The following C1QTNF3 variants were observed in gnomAD, a reference collection of about 807,000 sequenced individuals.
C1QTNF3 encodes complement C1q tumor necrosis factor-related protein 3.
C1QTNF3 carries 26 observed loss-of-function variants against 32.6 expected under a neutral mutation model. The observed-to-expected ratio is 0.80, with a 90% CI of 0.58 to 1.11. The LOEUF (loss-of-function observed/expected upper bound fraction) is 1.11. Ranked by LOEUF, C1QTNF3 falls within the 50% of genes least tolerant of loss-of-function variation. The probability of loss-of-function intolerance (pLI) is 0.00; values close to 1 mark genes in which losing one functional copy is unlikely to be tolerated. For missense variants in C1QTNF3, 362 were observed against 398.2 expected (o/e 0.91, Z 0.77); for synonymous variants, 155 against 146.0 (o/e 1.06, Z -0.44).
the C1QTNF3 span, among the ~76,000 whole-genome samples, chr5:34,059,435 T>C: frequency 6.6e-6 from 1 of 152,148 alleles, no homozygotes; most frequent in Non-Finnish European, 1.5e-5. Context: ...CAACAAGTAT[T>C]TATTTCTCAC....
the C1QTNF3 span, among the ~76,000 whole-genome samples, chr5:34,197,015 A>G: frequency 6.6e-6 from 1 of 152,310 alleles, no homozygotes; most frequent in Non-Finnish European, 1.5e-5. Context: ...TAATGTATTG[A>G]ACACTACAGC....
chr5:34,034,642 T>C (rs2112114426), intron 2 of C1QTNF3, among the ~76,000 whole-genome samples: 1 of 152,306 alleles, frequency 6.6e-6, no homozygotes, highest in Non-Finnish European at 1.5e-5. Context: ...AATTAATGTG[T>C]TCAGTGACAA....
At chr5:34,079,836 C>G in the C1QTNF3 span, among the ~76,000 whole-genome samples, 2 of 151,634 alleles carry the variant, frequency 1.3e-5, no homozygotes, top group African/African-American at 4.9e-5. Context: ...ATGAATAAGT[C>G]CTAGAGTTCT....
At chr5:34,164,191 C>T in the C1QTNF3 span, among the ~76,000 whole-genome samples, 2 of 152,056 alleles carry the variant, frequency 1.3e-5, no homozygotes, top group South Asian at 4.1e-4. Flanking sequence ...TACAGCAAAA[C>T]GGTGGACTCC....
chr5:34,096,730 C>T, the C1QTNF3 span, among the ~76,000 whole-genome samples: 2 of 151,404 alleles, frequency 1.3e-5, no homozygotes, highest in African/African-American at 4.9e-5. Flanking sequence ...GCAAGTTAGA[C>T]GTGATTATCA....
chr5:34,231,711 T>C, the C1QTNF3 span, among the ~76,000 whole-genome samples: 2 of 152,024 alleles, frequency 1.3e-5, no homozygotes, highest in Non-Finnish European at 2.9e-5. Flanking sequence ...GGAACCTCCA[T>C]CTAGATTTCA....
chr5:34,052,397 TTTA>T, the C1QTNF3 span, among the ~76,000 whole-genome samples: 2 of 152,240 alleles, frequency 1.3e-5, no homozygotes, highest in Non-Finnish European at 2.9e-5. Flanking sequence ...TAACGAGATC[TTTA>T]TTTTCTTACT....
the C1QTNF3 span, among the ~76,000 whole-genome samples, chr5:34,173,169 T>A: frequency 6.6e-6 from 1 of 152,154 alleles, no homozygotes; most frequent in Non-Finnish European, 1.5e-5. Context: ...TATACACTCT[T>A]ATGATAAAAA....
chr5:34,033,138 A>G, intron 3 of C1QTNF3, 166 bp downstream of exon 3: 3 of 667,496 alleles, frequency 4.5e-6, no homozygotes, highest in Admixed American at 3.4e-5. Context: ...CCTTTTGGAC[A>G]GTATGGGCCT....
At chr5:34,022,703 A>G (rs561249342) in intron 5 of C1QTNF3, among the ~76,000 whole-genome samples, 7 of 152,322 alleles carry the variant, frequency 4.6e-5, no homozygotes, top group African/African-American at 1.7e-4. Context: ...TTGGGTGGAA[A>G]ACAATGTGAC....
intron 5 of C1QTNF3, among the ~76,000 whole-genome samples, chr5:34,022,501 C>T (rs1400736059): frequency 6.6e-6 from 1 of 152,194 alleles, no homozygotes; most frequent in Non-Finnish European, 1.5e-5. Flanking sequence ...GGGCTTTGAG[C>T]TGGATGCATT....
chr5:34,079,639 G>A, the C1QTNF3 span, among the ~76,000 whole-genome samples: 1 of 151,586 alleles, frequency 6.6e-6, no homozygotes, highest in African/African-American at 2.4e-5. Flanking sequence ...GAGATAACAC[G>A]GATGAACTTG....
At chr5:34,043,496 G>A (rs1302661236), upstream of C1QTNF3, 2 of 208,778 alleles carry the variant, frequency 9.6e-6, no homozygotes, top group African/African-American at 2.3e-5. Context: ...GACATGGAAA[G>A]GCTGTGTATT....
chr5:34,030,410 G>A (rs913579904), intron 3 of C1QTNF3, among the ~76,000 whole-genome samples: 2 of 152,152 alleles, frequency 1.3e-5, no homozygotes, highest in Admixed American at 1.3e-4. Context: ...TGAGATTAAG[G>A]TCCACCTCTC....
At chr5:34,112,563 G>A in the C1QTNF3 span, among the ~76,000 whole-genome samples, 3 of 151,976 alleles carry the variant, frequency 2.0e-5, no homozygotes, top group East Asian at 5.8e-4. Flanking sequence ...TAGCTACTTG[G>A]GAAGCTGAGG....
rs978112303 is a variant in C1QTNF3 at position 34,020,392 on chromosome 5, A to G, written c.*191T>C. 1.3e-5 allele frequency: 8 copies of G among 635,824 alleles called. No individual in the cohort carries two copies. In the African/African-American group the frequency reaches 1.4e-4, roughly 11 times the overall value. The allele number at this position is 635,824 out of a possible 1,614,324, so 39.4% of individuals were successfully genotyped here. ...TTAGTCAAGGTCATCTGAGAAGACT[A>G]TTTTGTGGTTGATTCTTCTGAGCCC... On this transcript the variant is annotated 3_prime_UTR_variant, in exon 6 of 6. Transcript: ENST00000382065.
chr5:34,223,545 T>C, the C1QTNF3 span, among the ~76,000 whole-genome samples: 1 of 151,802 alleles, frequency 6.6e-6, no homozygotes, highest in Non-Finnish European at 1.5e-5. Flanking sequence ...AGTAATGGGA[T>C]GGCTGGGTCA....
At chr5:34,175,304 C>G in the C1QTNF3 span, 1 of 156,690 alleles carries the variant, frequency 6.4e-6, no homozygotes, top group Admixed American at 6.4e-5. Flanking sequence ...CTTGGCCTCC[C>G]AAAGTGCTGG....
the C1QTNF3 span, among the ~76,000 whole-genome samples, chr5:34,209,319 G>A: frequency 4.0e-5 from 6 of 151,204 alleles, no homozygotes; most frequent in Non-Finnish European, 7.4e-5. Context: ...TCACTAACGC[G>A]CATAGGCTTA....
Sources: allele counts gnomAD v4.1 joint callset (sites outside exome capture counted in the v4.1 genomes callset), GRCh38; gene constraint gnomAD v4.1.1; transcripts MANE v1.5; gene names NCBI Gene and HGNC (gene_info 2026-07-23, HGNC 2026-07-21).